PJA2: variants seen among roughly 807,000 people sequenced by gnomAD.
PJA2 encodes E3 ubiquitin-protein ligase Praja-2.
In PJA2, 25 loss-of-function variants were observed where a neutral mutation model predicts 69.3. That is an observed-to-expected ratio of 0.36 (90% confidence interval 0.26 to 0.50). PJA2 has a LOEUF of 0.50. PJA2 is among the 20% of genes least tolerant of loss of function. The pLI, the probability that PJA2 is intolerant of heterozygous loss-of-function variation, is 0.96. For missense variants in PJA2, 809 were observed against 830.2 expected, an observed-to-expected ratio of 0.97 and a Z score of 0.31; for synonymous variants, 308 against 277.8, an observed-to-expected ratio of 1.11 and a Z score of -1.08.
chr5:109,364,622 C>CA (rs200663624), intron 5 of PJA2, among the ~76,000 whole-genome samples: 1,991 of 61,556 alleles, frequency 0.032, 48 homozygotes, highest in African/African-American at 0.073. Flanking sequence ...GACTCTGTCT[C>CA]AAAAAAAAAA....
chr5:109,407,956 T>G (rs1747727943), intron 1 of PJA2, among the ~76,000 whole-genome samples: 1 of 152,130 alleles, frequency 6.6e-6, no homozygotes, highest in Non-Finnish European at 1.5e-5. Flanking sequence ...TTATTCAAAA[T>G]AGCTAAGGAT....
intron 6 of PJA2, among the ~76,000 whole-genome samples, chr5:109,361,218 G>T (rs192960342): frequency 1.4e-4 from 22 of 152,226 alleles, no homozygotes; most frequent in Non-Finnish European, 2.5e-4. Flanking sequence ...TTTGGAAATA[G>T]GTATCCATAC....
In PJA2 at chr5:109,353,441, T is replaced by C. The variant is rs1400849967; in HGVS notation, c.1764+2474A>G. 1.9e-3 allele frequency among the ~76,000 whole-genome samples: 99 copies of C among 51,872 alleles called. 3 individuals are homozygous for C. The highest frequency in any genetic ancestry group is 2.9e-3 in the Admixed American group (15 of 5,186). 34.0% of individuals were successfully genotyped at this position (51,872 alleles called of 152,430 possible). On this transcript the variant is annotated intron_variant, in intron 7 of 9. Coordinates refer to ENST00000361189, the MANE Select transcript of PJA2 (RefSeq NM_014819.5). ...CATCTATATATTAGATACCTATATA[T>C]AGATATCTATATATTAGATACCTAT... is the stretch of plus-strand genomic sequence containing the variant.
At chr5:109,394,051 T>TTC (rs1484484937) in intron 1 of PJA2, among the ~76,000 whole-genome samples, 1 of 143,364 alleles carries the variant, frequency 7.0e-6, no homozygotes, top group Non-Finnish European at 1.5e-5. Context: ...TTTTTTTTTT[T>TTC]TTTTTTTTTT....
Position 109,344,211 on chromosome 5 carries a change from A to G in PJA2, c.1980T>C (p.Cys660=). Residue 660 remains cysteine, a synonymous_variant, in exon 9 of 10, where the codon TGT becomes TGC. Coordinates refer to ENST00000361189, the MANE Select transcript of PJA2 (RefSeq NM_014819.5). ...TCACCTTTTGTAGCCAAATTGAGACACAAGGTTTGTGAAAGAAATGGTGAC... is the reference window on the plus strand; with the variant it reads ...TCACCTTTTGTAGCCAAATTGAGACGCAAGGTTTGTGAAAGAAATGGTGAC... The part of the protein sequence containing the change: ...LPCHHFFHKP[C]VSIWLQKSGT... 2 of 1,608,522 alleles carry G rather than the reference A, an allele frequency of 1.2e-6. No homozygotes were observed. The highest frequency in any genetic ancestry group is 1.1e-5 in the South Asian group (1 of 89,744).
At chr5:109,407,672 T>G (rs994663723) in intron 1 of PJA2, among the ~76,000 whole-genome samples, 1 of 151,998 alleles carries the variant, frequency 6.6e-6, no homozygotes, top group Non-Finnish European at 1.5e-5. Context: ...ATCTGATACA[T>G]GATAGAAAAC....
At chr5:109,406,645 A>G (rs1453418843) in intron 1 of PJA2, among the ~76,000 whole-genome samples, 6 of 152,210 alleles carry the variant, frequency 3.9e-5, no homozygotes, top group Non-Finnish European at 5.9e-5. Context: ...GTATCATACA[A>G]CCCAACAAGT....
chr5:109,354,629 A>G (rs1295969188), intron 7 of PJA2, among the ~76,000 whole-genome samples: 1 of 145,254 alleles, frequency 6.9e-6, no homozygotes, highest in Non-Finnish European at 1.5e-5. Flanking sequence ...TCGATATTAG[A>G]TATATTAGAT....
chr5:109,342,657 T>G (rs1386307244), intron 9 of PJA2, among the ~76,000 whole-genome samples: 56 of 74,614 alleles, frequency 7.5e-4, no homozygotes, highest in Admixed American at 1.5e-3. Flanking sequence ...GAGGTGGGGG[T>G]GTCAGCCCCC....
rs778597256 is a variant in PJA2, at chr5:109,381,562, C to T, written c.173G>A (p.Arg58Gln). The change falls in exon 3 of 10, where the codon CGG becomes CAG. Residue 58 changes from arginine (R) to glutamine (Q), a missense_variant. By Grantham distance (43) the Arg-to-Gln change is conservative. Around this residue, in one of 4 missense-constraint regions of PJA2, gnomAD observed 700 missense variants for 639.5 expected, o/e 1.09. Coordinates refer to ENST00000361189, the MANE Select transcript of PJA2 (RefSeq NM_014819.5). ...CAACACTTCATAGTCATCACCAGCC[C>T]GACCTAAGCTTCTTTCATGTCTGGT... ...CMTRHERSLG[R>Q]AGDDYEVLEL... 3.1e-6 allele frequency: 5 copies of T among 1,613,992 alleles called. No homozygotes were observed. The highest frequency in any genetic ancestry group is 3.3e-5 in the Admixed American group (2 of 59,994).
At chr5:109,375,083 A>AAC (rs1746831482) in intron 4 of PJA2, among the ~76,000 whole-genome samples, 1 of 152,242 alleles carries the variant, frequency 6.6e-6, no homozygotes, top group South Asian at 2.1e-4. Flanking sequence ...CACAGAGTGT[A>AAC]ACATTTCAGA....
intron 4 of PJA2, among the ~76,000 whole-genome samples, chr5:109,376,635 GA>G (rs1302559397): frequency 2.6e-5 from 4 of 151,228 alleles, no homozygotes; most frequent in Admixed American, 6.6e-5. Context: ...GTAACTGGGG[GA>G]AAAAAAATAC....
intron 5 of PJA2, among the ~76,000 whole-genome samples, chr5:109,366,149 A>C (rs1762582250): frequency 6.6e-6 from 1 of 152,182 alleles, no homozygotes; most frequent in African/African-American, 2.4e-5. Flanking sequence ...ATCATTCTGA[A>C]TGCAAAATAT....
chr5:109,345,947 G>T (rs1446385454), intron 7 of PJA2, among the ~76,000 whole-genome samples: 2 of 152,234 alleles, frequency 1.3e-5, no homozygotes, highest in African/African-American at 4.8e-5. Context: ...TAGAATGGCA[G>T]TTGAGACTTT....
intron 5 of PJA2, among the ~76,000 whole-genome samples, chr5:109,363,418 T>G (rs1292616101): frequency 6.6e-6 from 1 of 152,218 alleles, no homozygotes; most frequent in Non-Finnish European, 1.5e-5. Flanking sequence ...ACATAACACA[T>G]GCTTTCTGCT....
At chr5:109,356,236 C>T (rs768516224) in intron 6 of PJA2, among the ~76,000 whole-genome samples, 17 of 152,144 alleles carry the variant, frequency 1.1e-4, no homozygotes, top group Non-Finnish European at 2.4e-4. Flanking sequence ...TAAGATACCA[C>T]TACCTCATCC....
chr5:109,378,513 C>T lies in PJA2; in HGVS notation c.974G>A (p.Ser325Asn), dbSNP rs1217293687. ...RPKVRKLISS[S>N]QVDQETGFNR... ...AAAACCTGTTTCTTGGTCCACCTGGCTTGAACTTATCAGTTTTCTAACTTT... is the reference window on the plus strand; with the variant it reads ...AAAACCTGTTTCTTGGTCCACCTGGTTTGAACTTATCAGTTTTCTAACTTT... Residue 325 changes from serine to asparagine, a missense_variant, in exon 4 of 10, where the codon AGC (serine) becomes AAC (asparagine). Ser to Asn is a conservative substitution (Grantham distance 46, BLOSUM62 1). Around this residue, in one of 4 missense-constraint regions of PJA2, gnomAD observed 700 missense variants for 639.5 expected, o/e 1.09. Transcript: ENST00000361189. The T allele has an allele frequency of 2.5e-6, 4 of 1,614,168 alleles. No homozygotes were observed. The South Asian group carries it at 3.3e-5, about 13-fold the overall frequency.
chr5:109,353,057 T>A (rs1385439595), intron 7 of PJA2, among the ~76,000 whole-genome samples: 2 of 143,582 alleles, frequency 1.4e-5, no homozygotes, highest in Non-Finnish European at 3.0e-5. Context: ...ATCATAGACA[T>A]CTATATATTA....
chr5:109,368,726 T>C lies in PJA2; in HGVS notation c.1304A>G (p.Glu435Gly). 2.5e-6 allele frequency: 4 copies of C among 1,613,364 alleles called. No homozygotes were observed. The South Asian group carries it at 4.4e-5, about 18-fold the overall frequency. ...DEDSSECSDG[E>G]WSASLPHRFS... Reference sequence around the variant, plus strand: ...TCGATGAGGCAAAGAAGCAGACCATTCCCCATCACTGCATTCAGAACTGCA... The same window carrying C: ...TCGATGAGGCAAAGAAGCAGACCATCCCCCATCACTGCATTCAGAACTGCA... Residue 435 changes from glutamate to glycine, a missense_variant, in exon 5 of 10, where the codon GAA (glutamate) becomes GGA (glycine). By Grantham distance (98) the Glu-to-Gly change is moderately conservative. Coordinates refer to ENST00000361189, the MANE Select transcript of PJA2 (RefSeq NM_014819.5).
Sources: allele counts gnomAD v4.1 joint callset (sites outside exome capture counted in the v4.1 genomes callset), GRCh38; gene constraint gnomAD v4.1.1; regional missense constraint gnomAD v4.1.1; transcripts MANE v1.5; gene names NCBI Gene and HGNC (gene_info 2026-07-23, HGNC 2026-07-21).